Variants in CAPRIN1 observed in about 807,000 individuals in gnomAD.
The protein encoded by CAPRIN1 is cell cycle associated protein 1, also known as caprin-1.
Under a neutral mutation model 100.9 loss-of-function variants are expected in CAPRIN1, and 29 were observed. The observed-to-expected ratio is 0.29, with a 90% CI of 0.21 to 0.39. The LOEUF (loss-of-function observed/expected upper bound fraction) is 0.39. CAPRIN1 is among the 10% of genes least tolerant of loss of function. CAPRIN1 has a pLI of 1.00. For synonymous variants in CAPRIN1, 338 were observed against 307.5 expected, an observed-to-expected ratio of 1.10 and a Z score of -1.04; for missense variants, 795 against 876.7, an observed-to-expected ratio of 0.91 and a Z score of 1.18.
chr11:34,086,938 AT>A (rs1387986383), intron 11 of CAPRIN1, among the ~76,000 whole-genome samples: 2 of 152,176 alleles, frequency 1.3e-5, no homozygotes, highest in East Asian at 3.8e-4. Context: ...GAATTTCTGG[AT>A]TTTATTACCT....
chr11:34,090,064 C>A, intron 12 of CAPRIN1, 115 bp from the exon 13 acceptor site: 1 of 531,140 alleles, frequency 1.9e-6, no homozygotes, highest in South Asian at 3.0e-5. Context: ...TTAATTTCTC[C>A]CTTCTTTAGC....
At position 34,083,051 on chromosome 11, in the gene CAPRIN1, C is replaced by G; in HGVS notation, c.966+10C>G. On this transcript the variant is annotated intron_variant, in intron 9 of 18. Coordinates refer to ENST00000341394, the MANE Select transcript of CAPRIN1 (RefSeq NM_005898.5). ...AGTTGAAACGGTTGAGGTAAGAGTT[C>G]TCTGTATTGCAAAGTTGTTGTCTTT... 6.3e-7 allele frequency: 1 copy of G among 1,584,768 alleles called. No individual in the cohort carries two copies. The highest frequency in any genetic ancestry group is 8.7e-7 in the Non-Finnish European group (1 of 1,153,566).
chr11:34,097,557 C>G, intron 17 of CAPRIN1, 141 bp from the exon 18 acceptor site: 1 of 838,286 alleles, frequency 1.2e-6, no homozygotes, highest in Non-Finnish European at 1.9e-6. Context: ...AATTACAGAA[C>G]AAGGTGTAGC....
intron 14 of CAPRIN1, 152 bp downstream of exon 14, chr11:34,090,830 C>A: frequency 1.5e-6 from 1 of 665,830 alleles, no homozygotes; most frequent in Non-Finnish European, 2.5e-6. Context: ...ACTGATTATT[C>A]CAGAGATTAA....
chr11:34,076,740 T>C, intron 6 of CAPRIN1, 98 bp downstream of exon 6: 1 of 864,004 alleles, frequency 1.2e-6, no homozygotes, highest in South Asian at 1.7e-5. Flanking sequence ...AAATTAGTTT[T>C]TTTTTTTTTT....
Position 34,097,802 on chromosome 11 carries a change from T to C in CAPRIN1, c.2065+41T>C, listed in dbSNP as rs769578380. On this transcript the variant is annotated intron_variant, in intron 18 of 18. Coordinates refer to ENST00000341394, the MANE Select transcript of CAPRIN1 (RefSeq NM_005898.5). ...GGTGATCCTAGCTCCTAAGTGGAGC[T>C]TCTGTTCTGGCCTTGGAAGAGCTGT... The C allele has an allele frequency of 1.9e-5, 31 of 1,613,712 alleles. No individual in the cohort carries two copies. The African/African-American group carries it at 3.6e-4, about 19-fold the overall frequency.
chr11:34,096,324 T>G (rs1051376174), intron 15 of CAPRIN1, 155 bp from the exon 16 acceptor site: 2 of 569,996 alleles, frequency 3.5e-6, no homozygotes, highest in Admixed American at 6.8e-5. Flanking sequence ...GGTAAGAGAC[T>G]TTATTCATGT....
At chr11:34,067,906 G>C (rs951394737) in intron 2 of CAPRIN1, among the ~76,000 whole-genome samples, 1 of 152,086 alleles carries the variant, frequency 6.6e-6, no homozygotes, top group African/African-American at 2.4e-5. Context: ...TCACATACTG[G>C]CTGTTTCCCT....
intron 2 of CAPRIN1, among the ~76,000 whole-genome samples, chr11:34,069,153 T>A (rs1346859952): frequency 6.8e-6 from 1 of 147,114 alleles, no homozygotes; most frequent in Non-Finnish European, 1.5e-5. Flanking sequence ...CTTATTTAGT[T>A]TTTTTTTTTT....
chr11:34,057,601 ACTTTTC>A (rs1850479192), intron 2 of CAPRIN1, among the ~76,000 whole-genome samples: 4 of 152,170 alleles, frequency 2.6e-5, no homozygotes. Flanking sequence ...AAAAACTAAC[ACTTTTC>A]CTTTAGTAAA....
intron 7 of CAPRIN1, among the ~76,000 whole-genome samples, chr11:34,080,178 C>T (rs1248562802): frequency 6.6e-6 from 1 of 152,148 alleles, no homozygotes; most frequent in East Asian, 1.9e-4. Context: ...CCGCCTCGGC[C>T]TCCCAAAGTG....
At chr11:34,074,312 C>CTT (rs57294017) in intron 4 of CAPRIN1, among the ~76,000 whole-genome samples, 15,519 of 152,178 alleles carry the variant, frequency 0.1, 844 homozygotes, top group African/African-American at 0.15. Flanking sequence ...TCTTGTAACA[C>CTT]TGGTATTTTC....
At chr11:34,074,977 C>G (rs554767930) in intron 4 of CAPRIN1, among the ~76,000 whole-genome samples, 2 of 152,164 alleles carry the variant, frequency 1.3e-5, no homozygotes, top group South Asian at 4.2e-4. Flanking sequence ...GCCAGGAGTT[C>G]AAGACCCAAG....
intron 2 of CAPRIN1, among the ~76,000 whole-genome samples, chr11:34,057,135 G>A (rs1850467734): frequency 6.6e-6 from 1 of 152,152 alleles, no homozygotes; most frequent in Admixed American, 6.5e-5. Flanking sequence ...TTTCCTTGAG[G>A]CTATTACCTG....
chr11:34,064,505 T>G (rs1298604056), intron 2 of CAPRIN1, among the ~76,000 whole-genome samples: 4 of 152,232 alleles, frequency 2.6e-5, no homozygotes, highest in African/African-American at 4.8e-5. Flanking sequence ...CATATCCTTT[T>G]CCTTATCATG....
intron 2 of CAPRIN1, among the ~76,000 whole-genome samples, chr11:34,067,494 T>TAATTTTTATTTTTTTTAA (rs1359130571): frequency 6.7e-6 from 1 of 148,914 alleles, no homozygotes; most frequent in African/African-American, 2.5e-5. Flanking sequence ...GCACAGTTGT[T>TAATTTTTATTTTTTTTAA]TTTTTTTTTT....
rs754360788 is a variant in CAPRIN1, at chr11:34,100,546, T to C, written c.*1179T>C. On this transcript the variant is annotated 3_prime_UTR_variant, in exon 19 of 19. Transcript: ENST00000341394. ...CTGGTGTTCAACAGCTAGCAGCTTA[T>C]GTGATTCACCCCATGCCACGTTAGT... 3 of 152,240 alleles carry C rather than the reference T, an allele frequency of 2.0e-5. No homozygotes were observed. The highest frequency in any genetic ancestry group is 4.4e-5 in the Non-Finnish European group (3 of 68,026). The allele number at this position is 152,240 out of a possible 1,614,324, so 9.4% of individuals were successfully genotyped here. A position where few individuals can be genotyped will look rare whatever the true frequency, so the allele number is the denominator to read the frequency against.
At chr11:34,059,510 T>C (rs1412893538) in intron 2 of CAPRIN1, among the ~76,000 whole-genome samples, 1 of 152,224 alleles carries the variant, frequency 6.6e-6, no homozygotes, top group Non-Finnish European at 1.5e-5. Context: ...CCTTGTGATC[T>C]GCCTGCCTCG....
chr11:34,096,320 A>C, intron 15 of CAPRIN1, 159 bp from the exon 16 acceptor site: 1 of 562,106 alleles, frequency 1.8e-6, no homozygotes, highest in Non-Finnish European at 3.1e-6. Flanking sequence ...GAAAGGTAAG[A>C]GACTTTATTC....
Sources: allele counts gnomAD v4.1 joint callset (sites outside exome capture counted in the v4.1 genomes callset), GRCh38; gene constraint gnomAD v4.1.1; transcripts MANE v1.5; gene names NCBI Gene and HGNC (gene_info 2026-07-23, HGNC 2026-07-21).